The following LRRTM4 variants were observed in gnomAD, a reference collection of about 807,000 sequenced individuals.
LRRTM4 encodes the protein leucine rich repeat transmembrane neuronal 4.
In LRRTM4, 25 loss-of-function variants were observed where a neutral mutation model predicts 47.6. The ratio of observed to expected loss-of-function variants is 0.53; its 90% CI spans 0.38 to 0.73. The LOEUF (loss-of-function observed/expected upper bound fraction) is 0.73. LRRTM4 is among the 30% of genes least tolerant of loss of function. The pLI is 0.00. For missense variants in LRRTM4, 638 were observed against 713.4 expected, an observed-to-expected ratio of 0.89 and a Z score of 1.20; for synonymous variants, 311 against 269.5, an observed-to-expected ratio of 1.15 and a Z score of -1.51.
chr2:77,001,593 T>A (rs535730917), intron 3 of LRRTM4, among the ~76,000 whole-genome samples: 1 of 152,062 alleles, frequency 6.6e-6, no homozygotes, highest in Non-Finnish European at 1.5e-5. Flanking sequence ...CACCCTAGAG[T>A]TCTGTCTTTC....
intron 3 of LRRTM4, among the ~76,000 whole-genome samples, chr2:76,784,529 A>T (rs536431428): frequency 2.6e-5 from 4 of 152,174 alleles, no homozygotes. Context: ...GCTGATACTT[A>T]GATTTCTCTT....
intron 3 of LRRTM4, among the ~76,000 whole-genome samples, chr2:77,294,896 T>C (rs2104141989): frequency 6.6e-6 from 1 of 152,272 alleles, no homozygotes; most frequent in Non-Finnish European, 1.5e-5. Flanking sequence ...ATTTTAGAAC[T>C]GAAAAAATCT....
chr2:77,022,903 C>A (rs1678324774), intron 3 of LRRTM4, among the ~76,000 whole-genome samples: 1 of 152,200 alleles, frequency 6.6e-6, no homozygotes, highest in South Asian at 2.1e-4. Flanking sequence ...TCTCTTCTCA[C>A]AGCTCCACTA....
Position 76,754,251 on chromosome 2 carries a change from A to AT in LRRTM4, c.1552-5336dup, listed in dbSNP as rs1265054218. Among the ~76,000 whole-genome samples, 3 of 152,306 alleles carry AT rather than the reference A, an allele frequency of 2.0e-5. No homozygotes were observed. In the East Asian group the frequency reaches 5.8e-4, roughly 29 times the overall value. ...TAAATGAATATATAACTTAGCTGTT[A>AT]TTCTACTGGCTATATTAGTATGTGA... On this transcript the variant is annotated intron_variant, in intron 3 of 3. Transcript: ENST00000409884.
intron 3 of LRRTM4, among the ~76,000 whole-genome samples, chr2:77,211,954 A>C (rs1163609868): frequency 6.6e-6 from 1 of 152,080 alleles, no homozygotes; most frequent in African/African-American, 2.4e-5. Context: ...CCACTTGATA[A>C]TAAGCTCTTT....
At chr2:77,397,052 G>A (rs1172509248) in intron 3 of LRRTM4, among the ~76,000 whole-genome samples, 1 of 151,828 alleles carries the variant, frequency 6.6e-6, no homozygotes, top group African/African-American at 2.4e-5. Flanking sequence ...AGTGTAAAGA[G>A]GATGCATTGT....
intron 3 of LRRTM4, among the ~76,000 whole-genome samples, chr2:77,313,070 A>ATC (rs1379951702): frequency 2.6e-5 from 4 of 152,180 alleles, no homozygotes; most frequent in African/African-American, 9.7e-5. Flanking sequence ...AGATTTTGAG[A>ATC]AAGTTAAAAT....
intron 3 of LRRTM4, among the ~76,000 whole-genome samples, chr2:76,858,495 C>CG (rs1672221643): frequency 6.6e-6 from 1 of 152,042 alleles, no homozygotes; most frequent in South Asian, 2.1e-4. Flanking sequence ...CCTAGGTCCT[C>CG]GGGGAGGAGT....
chr2:76,810,655 A>C (rs1026985878), intron 3 of LRRTM4, among the ~76,000 whole-genome samples: 13 of 152,290 alleles, frequency 8.5e-5, no homozygotes, highest in African/African-American at 3.1e-4. Flanking sequence ...CAAATATAAA[A>C]GTCTATGGTT....
At chr2:77,373,522 A>G (rs1672725856) in intron 3 of LRRTM4, among the ~76,000 whole-genome samples, 1 of 151,614 alleles carries the variant, frequency 6.6e-6, no homozygotes, top group Admixed American at 6.6e-5. Context: ...ATTTTGAAAA[A>G]CAATCAGACT....
intron 3 of LRRTM4, among the ~76,000 whole-genome samples, chr2:76,950,550 G>A (rs937857050): frequency 6.6e-6 from 1 of 151,730 alleles, no homozygotes; most frequent in Non-Finnish European, 1.5e-5. Context: ...TGTGTCCTCT[G>A]GTTAATCAAA....
intron 3 of LRRTM4, among the ~76,000 whole-genome samples, chr2:77,295,599 A>T (rs911776531): frequency 6.6e-6 from 1 of 152,130 alleles, no homozygotes; most frequent in Non-Finnish European, 1.5e-5. Context: ...GTATTTTCTC[A>T]TAGTTCTGGA....
intron 3 of LRRTM4, among the ~76,000 whole-genome samples, chr2:77,044,648 CAT>C (rs752662223): frequency 3.7e-4 from 56 of 151,242 alleles, no homozygotes; most frequent in South Asian, 1.2e-3. Context: ...TACACACAAA[CAT>C]ATACAAACAC....
In LRRTM4 at chr2:77,413,843, T is replaced by TACACAC. The variant is rs60861644; in HGVS notation, c.1551+104469_1551+104474dup. ...ACATTGATATTTCTGTCTAGTTTTA[T>TACACAC]ACACACACACACACACACACACACA... is the stretch of plus-strand genomic sequence containing the variant. On this transcript the variant is annotated intron_variant, in intron 3 of 3. Coordinates refer to ENST00000409884, the MANE Select transcript of LRRTM4 (RefSeq NM_001134745.3). 4.1e-4 allele frequency among the ~76,000 whole-genome samples: 61 copies of TACACAC among 150,350 alleles called. 1 individual carries two copies. Among genetic ancestry groups the TACACAC allele is most frequent in the African/African-American group, 1.3e-3 (53 of 40,918 alleles).
At chr2:77,257,330 T>A (rs1254279793) in intron 3 of LRRTM4, among the ~76,000 whole-genome samples, 1 of 151,614 alleles carries the variant, frequency 6.6e-6, no homozygotes, top group African/African-American at 2.4e-5. Flanking sequence ...CCCTCTAGAA[T>A]AAATACATGA....
chr2:77,288,041 G>T (rs950916874), intron 3 of LRRTM4, among the ~76,000 whole-genome samples: 2 of 151,918 alleles, frequency 1.3e-5, no homozygotes, highest in East Asian at 3.9e-4. Context: ...AACAACATTG[G>T]TCTATGGTTA....
At chr2:77,351,957 T>C (rs1298292916) in intron 3 of LRRTM4, among the ~76,000 whole-genome samples, 1 of 152,116 alleles carries the variant, frequency 6.6e-6, no homozygotes, top group Non-Finnish European at 1.5e-5. Flanking sequence ...TTTTCTTCAT[T>C]TTGTACAACT....
intron 3 of LRRTM4, among the ~76,000 whole-genome samples, chr2:77,188,529 C>G (rs72913929): frequency 0.11 from 17,201 of 152,038 alleles, 2,608 homozygotes; most frequent in African/African-American, 0.35. Context: ...CTGTTGCAGC[C>G]GACATTTCTA....
chr2:77,163,204 G>T (rs972532172), intron 3 of LRRTM4, among the ~76,000 whole-genome samples: 1 of 152,154 alleles, frequency 6.6e-6, no homozygotes, highest in East Asian at 1.9e-4. Flanking sequence ...TAGCCTATTC[G>T]ATCAAGTGGA....
Sources: allele counts gnomAD v4.1 joint callset (sites outside exome capture counted in the v4.1 genomes callset), GRCh38; gene constraint gnomAD v4.1.1; transcripts MANE v1.5; gene names NCBI Gene and HGNC (gene_info 2026-07-23, HGNC 2026-07-21).